The following CD276 variants were observed in gnomAD, a reference collection of about 807,000 sequenced individuals.
CD276 encodes the protein CD276 molecule.
CD276 carries 34 observed loss-of-function variants against 50.0 expected under a neutral mutation model. The observed-to-expected ratio is 0.68, with a 90% CI of 0.52 to 0.91. The LOEUF is 0.91. Ranked by LOEUF, CD276 falls within the 40% of genes least tolerant of loss-of-function variation. The pLI is 0.00. For synonymous variants in CD276, 275 were observed against 313.0 expected, an observed-to-expected ratio of 0.88 and a Z score of 1.28; for missense variants, 634 against 717.5, an observed-to-expected ratio of 0.88 and a Z score of 1.33.
chr15:73,697,021 G>A (rs1278090859), intron 1 of CD276, among the ~76,000 whole-genome samples: 4 of 152,116 alleles, frequency 2.6e-5, no homozygotes, highest in African/African-American at 9.7e-5. Context: ...AAGAGAGGCA[G>A]GGAGATGTGG....
Position 73,713,906 on chromosome 15 carries a change from A to C in CD276, c.*950A>C, listed in dbSNP as rs866697685. The C allele has an allele frequency of 2.6e-6, 1 of 386,250 alleles. No homozygotes were observed. Among genetic ancestry groups the C allele is most frequent in the Non-Finnish European group, 5.0e-6 (1 of 201,876 alleles). 23.9% of individuals were successfully genotyped at this position (386,250 alleles called of 1,614,324 possible). A position where few individuals can be genotyped will look rare whatever the true frequency, so the allele number is the denominator to read the frequency against. On this transcript the variant is annotated 3_prime_UTR_variant, in exon 10 of 10. Transcript: ENST00000318443. The stretch of plus-strand genomic sequence containing the variant: ...TAGGTGCTGGGGGCCCTGCGTGGGA[A>C]GATAAAGTTCCTCCCTCAAGGACTC...
chr15:73,711,400 C>T, intron 9 of CD276: 1 of 547,322 alleles, frequency 1.8e-6, no homozygotes, highest in African/African-American at 1.9e-5. Flanking sequence ...GAGTTTATTC[C>T]TCCTTCCTGT....
rs548934090 is a variant in CD276 at position 73,708,141 on chromosome 15, G to A, written c.1370-198G>A. Among the ~76,000 whole-genome samples, 49 of 152,328 alleles carry A rather than the reference G, an allele frequency of 3.2e-4. No homozygotes were observed. The East Asian group carries it at 3.5e-3, about 11-fold the overall frequency. On this transcript the variant is annotated intron_variant, in intron 6 of 9. Coordinates refer to ENST00000318443, the MANE Select transcript of CD276 (RefSeq NM_001024736.2). Reference sequence around the variant, plus strand: ...CTCTTCAGCCCTTCCTGGTTGAGGCGTGTCCACATCAGCCAGGGTTGTATC... The same window carrying A: ...CTCTTCAGCCCTTCCTGGTTGAGGCATGTCCACATCAGCCAGGGTTGTATC...
chr15:73,688,551 G>A (rs1380782335), intron 1 of CD276, among the ~76,000 whole-genome samples: 2 of 152,208 alleles, frequency 1.3e-5, no homozygotes, highest in African/African-American at 2.4e-5. Flanking sequence ...GGCAGGCAAG[G>A]CAGCCTGGTG....
chr15:73,703,736 TCCC>T lies in CD276; in HGVS notation c.814_816del (p.Pro272del), dbSNP rs1209320935. The T allele has an allele frequency of 6.2e-7, 1 of 1,613,268 alleles. No individual in the cohort carries two copies. Among genetic ancestry groups the T allele is most frequent in the Admixed American group, 1.7e-5 (1 of 59,996 alleles). ...CGATGCCACCCTGCGCTGCTCCTTCTCCCCCGAGCCTGGCTTCAGCCTGGCACA... is the reference window on the plus strand; with the variant it reads ...CGATGCCACCCTGCGCTGCTCCTTCTCCGAGCCTGGCTTCAGCCTGGCACA... On this transcript the variant is annotated inframe_deletion, in exon 5 of 10. Transcript: ENST00000318443.
Position 73,704,344 on chromosome 15 carries a change from C to T in CD276, c.1241C>T (p.Ala414Val). ...LTGNVTTSQM[A>V]NEQGLFDVHS... ...GGCAACGTGACCACGTCGCAGATGG[C>T]CAACGAGCAGGGCTTGTTTGATGTG... The change falls in exon 6 of 10, where the codon GCC (alanine) becomes GTC (valine). Residue 414 changes from alanine (A) to valine (V), a missense_variant. By Grantham distance (64) the Ala-to-Val change is moderately conservative. Transcript: ENST00000318443. This position sits in a 1 kb window ranked among gnomAD's most constrained non-coding sequence, Gnocchi z 4.1. The T allele has an allele frequency of 6.2e-7, 1 of 1,613,946 alleles. No individual in the cohort carries two copies.
At chr15:73,701,866 G>T (rs1174990054) in intron 2 of CD276, among the ~76,000 whole-genome samples, 2 of 152,232 alleles carry the variant, frequency 1.3e-5, no homozygotes, top group African/African-American at 4.8e-5. Context: ...AATGCACATG[G>T]TGCAGGCAGG....
chr15:73,691,152 G>A (rs987928021), intron 1 of CD276, among the ~76,000 whole-genome samples: 1 of 150,982 alleles, frequency 6.6e-6, no homozygotes, highest in African/African-American at 2.4e-5. Context: ...GAGAAATGGA[G>A]ATAGTGAAGA....
chr15:73,685,453 T>TTG (rs55859831), intron 1 of CD276, among the ~76,000 whole-genome samples: 10,943 of 131,716 alleles, frequency 0.083, 472 homozygotes, highest in South Asian at 0.096. Flanking sequence ...CAAAAAAGAT[T>TTG]TGTGTGTGTG....
At chr15:73,693,363 C>A (rs923241497) in intron 1 of CD276, among the ~76,000 whole-genome samples, 2 of 151,894 alleles carry the variant, frequency 1.3e-5, no homozygotes, top group Non-Finnish European at 2.9e-5. Flanking sequence ...TTAATGCTGC[C>A]GACTTATACA....
At position 73,687,116 on chromosome 15, in the gene CD276, C is replaced by A. The variant is rs1899801565; in HGVS notation, c.-55+2656C>A. Among the ~76,000 whole-genome samples the A allele has an allele frequency of 6.6e-6, 1 of 152,150 alleles. No homozygotes were observed. Among genetic ancestry groups the A allele is most frequent in the South Asian group, 2.1e-4 (1 of 4,824 alleles). ...TCTTGTTGGCTCAGAATGGACCCCA[C>A]ACCTGGAAGGGGGCCACGTGTACAG... On this transcript the variant is annotated intron_variant, in intron 1 of 9. Coordinates refer to ENST00000318443, the MANE Select transcript of CD276 (RefSeq NM_001024736.2). This position sits in a 1 kb window ranked among gnomAD's most constrained non-coding sequence, Gnocchi z 4.0.
intron 1 of CD276, among the ~76,000 whole-genome samples, chr15:73,692,642 A>G (rs1900028828): frequency 6.6e-6 from 1 of 152,246 alleles, no homozygotes; most frequent in African/African-American, 2.4e-5. Flanking sequence ...GAAGCATAAT[A>G]ATAAACATAC....
Position 73,709,840 on chromosome 15 carries a change from G to A in CD276, c.1546+151G>A. ...CAGACCTCCCCACCCCGGTGAGTCT[G>A]CTCTTTGCCCAGAGTTAGGCAGGAA... On this transcript the variant is annotated intron_variant, in intron 8 of 9. Transcript: ENST00000318443. 4.2e-6 allele frequency: 3 copies of A among 706,174 alleles called. No homozygotes were observed. The South Asian group carries it at 6.4e-5, about 15-fold the overall frequency. The allele number at this position is 706,174 out of a possible 1,614,324, so 43.7% of individuals were successfully genotyped here. A position where few individuals can be genotyped will look rare whatever the true frequency, so the allele number is the denominator to read the frequency against.
intron 1 of CD276, chr15:73,686,244 T>G: frequency 1.0e-6 from 1 of 974,068 alleles, no homozygotes; most frequent in Non-Finnish European, 1.2e-6. Context: ...TTCTCCTGCC[T>G]GCAGTAAGCT....
In CD276 at chr15:73,713,782, C is replaced by CA. The variant is rs753570415; in HGVS notation, c.*827dup. Reference sequence around the variant, plus strand: ...GGTCTGTGATGGGGCCCCTGGGGGTCAGCTTCTGTCCCTCTGCCTTCTCAC... The same window carrying CA: ...GGTCTGTGATGGGGCCCCTGGGGGTCAAGCTTCTGTCCCTCTGCCTTCTCAC... On this transcript the variant is annotated 3_prime_UTR_variant, in exon 10 of 10. Transcript: ENST00000318443. The CA allele has an allele frequency of 4.6e-6, 2 of 433,740 alleles. No homozygotes were observed. The highest frequency in any genetic ancestry group is 7.8e-5 in the East Asian group (1 of 12,830). 26.9% of individuals were successfully genotyped at this position (433,740 alleles called of 1,614,324 possible).
At chr15:73,695,274 T>C (rs1264927341) in intron 1 of CD276, among the ~76,000 whole-genome samples, 1 of 152,128 alleles carries the variant, frequency 6.6e-6, no homozygotes, top group African/African-American at 2.4e-5. Flanking sequence ...ACCCCACACT[T>C]TGGGCTCATT....
At chr15:73,711,042 C>T in intron 8 of CD276, 93 bp from the exon 9 acceptor site, 2 of 1,350,076 alleles carry the variant, frequency 1.5e-6, no homozygotes, top group Admixed American at 1.7e-5. Context: ...TTGTCCCGCC[C>T]CTTCCAGCCC....
chr15:73,709,659 C>T lies in CD276; in HGVS notation c.1516C>T (p.Gln506Ter), dbSNP rs1206500866. The change falls in exon 8 of 10, where the codon CAG becomes TAG. Residue 506 changes from glutamine to a stop codon, truncating the protein, a stop_gained. Coordinates refer to ENST00000318443, the MANE Select transcript of CD276 (RefSeq NM_001024736.2). LOFTEE classifies it high-confidence loss of function. ...CEEENAGAEDQDGEGEGSKTA... is the reference protein window; with the variant it reads ...CEEENAGAED ...TCTTGCCTTTGCAGGAGCTGAGGAC[C>T]AGGATGGGGAGGGAGAAGGCTCCAA... is the stretch of plus-strand genomic sequence containing the variant. The T allele has an allele frequency of 1.2e-6, 2 of 1,612,672 alleles. No homozygotes were observed. The highest frequency in any genetic ancestry group is 1.1e-5 in the South Asian group (1 of 90,830).
chr15:73,699,752 G>C, intron 2 of CD276, 34 bp downstream of exon 2: 1 of 1,554,208 alleles, frequency 6.4e-7, no homozygotes, highest in Non-Finnish European at 8.7e-7. Flanking sequence ...GGAGGGGAGG[G>C]ACAGTGATTG....
Sources: allele counts gnomAD v4.1 joint callset (sites outside exome capture counted in the v4.1 genomes callset), GRCh38; gene constraint gnomAD v4.1.1; non-coding constraint Gnocchi (gnomAD v3.1); transcripts MANE v1.5; gene names NCBI Gene and HGNC (gene_info 2026-07-23, HGNC 2026-07-21).